The following DPEP2 variants were observed in gnomAD, a reference collection of about 807,000 sequenced individuals.
DPEP2 encodes the protein dipeptidase 2.
DPEP2 carries 45 observed loss-of-function variants against 51.8 expected under a neutral mutation model. The ratio of observed to expected loss-of-function variants is 0.87; its 90% CI spans 0.68 to 1.11. The LOEUF (loss-of-function observed/expected upper bound fraction) is 1.11, where lower values mean the gene tolerates loss of function less well. DPEP2 is among the 50% of genes most tolerant of loss of function. The probability of loss-of-function intolerance (pLI) is 0.00; values close to 1 mark genes in which losing one functional copy is unlikely to be tolerated. For missense variants in DPEP2, 604 were observed against 631.9 expected (o/e 0.96, Z 0.47); for synonymous variants, 255 against 262.7 (o/e 0.97, Z 0.28).
chr16:67,987,420 G>C lies in DPEP2; in HGVS notation c.*86C>G. The C allele has an allele frequency of 6.6e-7, 1 of 1,512,626 alleles. No homozygotes were observed. Among genetic ancestry groups the C allele is most frequent in the Non-Finnish European group, 8.9e-7 (1 of 1,119,480 alleles). The allele number at this position is 1,512,626 out of a possible 1,614,324, so 93.7% of individuals were successfully genotyped here. A position where few individuals can be genotyped will look rare whatever the true frequency, so the allele number is the denominator to read the frequency against. On this transcript the variant is annotated 3_prime_UTR_variant, in exon 11 of 11. Coordinates refer to ENST00000393847, the MANE Select transcript of DPEP2 (RefSeq NM_022355.4). ...TTCTATGTCCAAAACATTTATTTCA[G>C]GAAATATTTGTGCCTGCACAACAGG...
rs1438626580 is a variant in DPEP2 at position 67,989,348 on chromosome 16, C to A, written c.1045G>T (p.Gly349Cys). The A allele has an allele frequency of 6.2e-7, 1 of 1,614,072 alleles. No individual in the cohort carries two copies. The highest frequency in any genetic ancestry group is 8.5e-7 in the Non-Finnish European group (1 of 1,180,028). The change falls in exon 9 of 11, where the codon GGT (glycine) becomes TGT (cysteine). Residue 349 changes from glycine to cysteine, a missense_variant. Coordinates refer to ENST00000393847, the MANE Select transcript of DPEP2 (RefSeq NM_022355.4). ...AVIGSKFIGI[G>C]GDYDGAGKFP... is the part of the protein sequence containing the mutation. ...TTGCCGGCCCCATCATAATCTCCACCAATCCCGATGAACTTGGATCCAATG... is the reference window on the plus strand; with the variant it reads ...TTGCCGGCCCCATCATAATCTCCACAAATCCCGATGAACTTGGATCCAATG...
intron 1 of DPEP2, chr16:67,994,926 A>G: frequency 1.0e-6 from 1 of 980,910 alleles, no homozygotes; most frequent in Non-Finnish European, 1.2e-6. Context: ...TTTGAGACAG[A>G]GTCTCACTTT....
intron 1 of DPEP2, chr16:67,993,830 A>T: frequency 1.0e-6 from 1 of 985,556 alleles, no homozygotes; most frequent in East Asian, 1.1e-4. Context: ...GACTGGATTC[A>T]GGAAGGGGCC....
Position 67,989,326 on chromosome 16 carries a change from C to A in DPEP2, c.1067G>T (p.Gly356Val), listed in dbSNP as rs1260145863. The A allele has an allele frequency of 6.2e-7, 1 of 1,614,162 alleles. No homozygotes were observed. Among genetic ancestry groups the A allele is most frequent in the South Asian group, 1.1e-5 (1 of 91,070 alleles). Residue 356 changes from glycine (G) to valine (V), a missense_variant, in exon 9 of 11, where the codon GGC becomes GTC. By Grantham distance (109) the Gly-to-Val change is moderately radical. Coordinates refer to ENST00000393847, the MANE Select transcript of DPEP2 (RefSeq NM_022355.4). The stretch of plus-strand genomic sequence containing the variant: ...AAGCCACAGGGAAGGCACTCACTTG[C>A]CGGCCCCATCATAATCTCCACCAAT... ...IGIGGDYDGAGKFPQGLEDVS... is the reference protein window; with the variant it reads ...IGIGGDYDGAVKFPQGLEDVS...
intron 1 of DPEP2, chr16:67,993,809 T>A: frequency 1.0e-6 from 1 of 985,488 alleles, no homozygotes; most frequent in Non-Finnish European, 1.2e-6. Flanking sequence ...AAATGAGGGG[T>A]TAACCCTGTG....
intron 1 of DPEP2, among the ~76,000 whole-genome samples, chr16:67,996,692 A>ATT (rs896036368): frequency 6.7e-6 from 1 of 150,240 alleles, no homozygotes; most frequent in Admixed American, 6.7e-5. Context: ...AACTTTTTGC[A>ATT]TTTTTTTTTA....
At chr16:67,990,577 C>T (rs2032001895) in intron 7 of DPEP2, among the ~76,000 whole-genome samples, 1 of 152,176 alleles carries the variant, frequency 6.6e-6, no homozygotes, top group South Asian at 2.1e-4. Context: ...GATTCTCCTG[C>T]CTCAGCCTCC....
In DPEP2 at chr16:67,992,920, TCCCATCGCC is replaced by T. The variant is rs751029888; in HGVS notation, c.263+21_263+29del. ...TCCCTTGCCCAGGAGTGTGCTCAGC[TCCCATCGCC>T]CCCTTGCAGCAATTACGCACCCGTC... On this transcript the variant is annotated intron_variant, in intron 2 of 10. Transcript: ENST00000393847. The T allele has an allele frequency of 2.8e-5, 44 of 1,590,656 alleles. No individual in the cohort carries two copies. The African/African-American group carries it at 5.0e-4, about 18-fold the overall frequency.
At chr16:67,992,042 C>A (rs370005214) in intron 4 of DPEP2, 22 bp downstream of exon 4, 2 of 1,613,890 alleles carry the variant, frequency 1.2e-6, no homozygotes, top group African/African-American at 2.7e-5. Flanking sequence ...AAGTTCCTAA[C>A]GCTTCCCATC....
intron 9 of DPEP2, among the ~76,000 whole-genome samples, chr16:67,988,422 GGAAA>G (rs528175365): frequency 3.1e-3 from 455 of 146,284 alleles, no homozygotes; most frequent in Admixed American, 4.1e-3. Flanking sequence ...AGGAAAGAAA[GGAAA>G]GAAAGAAAGA....
Position 67,993,006 on chromosome 16 carries a change from G to C in DPEP2, c.207C>G (p.Thr69=), listed in dbSNP as rs763419430. ...CCCGTGCCTGCTCTTGCAGGCCCTG[G>C]GTGCTGGGACTACTGAGTGTGGTCG... is the stretch of plus-strand genomic sequence containing the variant. ...APSTTLSSPS[T]QGLQEQARAL... Residue 69 remains threonine (T), a synonymous_variant, in exon 2 of 11, where the codon ACC becomes ACG. Transcript: ENST00000393847. 1 of 1,607,764 alleles carries C rather than the reference G, an allele frequency of 6.2e-7. No homozygotes were observed. The highest frequency in any genetic ancestry group is 1.1e-5 in the South Asian group (1 of 89,914).
chr16:67,991,622 T>C lies in DPEP2; in HGVS notation c.662+216A>G. 1.5e-6 allele frequency: 1 copy of C among 652,764 alleles called. No individual in the cohort carries two copies. Among genetic ancestry groups the C allele is most frequent in the South Asian group, 2.2e-5 (1 of 44,642 alleles). The allele number at this position is 652,764 out of a possible 1,614,324, so 40.4% of individuals were successfully genotyped here. A position where few individuals can be genotyped will look rare whatever the true frequency, so the allele number is the denominator to read the frequency against. The stretch of plus-strand genomic sequence containing the variant: ...CGAACTCCTGGCCTTAAGTTATCTG[T>C]CCGCCTCAGCCTCCCAAAGTTTTGG... On this transcript the variant is annotated intron_variant, in intron 5 of 10. Coordinates refer to ENST00000393847, the MANE Select transcript of DPEP2 (RefSeq NM_022355.4). This position sits in a 1 kb window ranked among gnomAD's most constrained non-coding sequence, Gnocchi z 5.1.
At chr16:68,000,608 G>A (rs910523234), upstream of DPEP2, 1 of 549,024 alleles carries the variant, frequency 1.8e-6, no homozygotes, top group Middle Eastern at 9.0e-4. Context: ...AAGCAGCCTG[G>A]CCACTGTAGA....
In DPEP2 at chr16:67,991,334, G is replaced by A; in HGVS notation, c.663-150C>T. On this transcript the variant is annotated intron_variant, in intron 5 of 10. Coordinates refer to ENST00000393847, the MANE Select transcript of DPEP2 (RefSeq NM_022355.4). The surrounding 1 kb of genome is among the most constrained non-coding windows in gnomAD (Gnocchi z 5.1). ...GCAAATGGGCCATGCCTGGCAGCAG[G>A]AGGGCCCTGCTGGGTCCAGTCTTTT... 2.8e-6 allele frequency: 2 copies of A among 707,242 alleles called. No individual in the cohort carries two copies. Among genetic ancestry groups the A allele is most frequent in the Non-Finnish European group, 2.3e-6 (1 of 426,598 alleles). The allele number at this position is 707,242 out of a possible 1,614,324, so 43.8% of individuals were successfully genotyped here.
Position 67,992,121 on chromosome 16 carries a change from G to A in DPEP2, c.463C>T (p.Leu155Phe), listed in dbSNP as rs1160599537. Reference sequence around the variant, plus strand: ...TAGGAGGCACACATGCGGCGTATGAGGTCAATCTGCTCCAGGGTGAGGCGC... The same window carrying A: ...TAGGAGGCACACATGCGGCGTATGAAGTCAATCTGCTCCAGGGTGAGGCGC... ...ALRLTLEQID[L>F]IRRMCASYSE... The change falls in exon 4 of 11, where the codon CTC (leucine) becomes TTC (phenylalanine). Residue 155 changes from leucine to phenylalanine, a missense_variant. Physicochemically the swap from Leu to Phe is conservative, Grantham distance 22. Coordinates refer to ENST00000393847, the MANE Select transcript of DPEP2 (RefSeq NM_022355.4). 10 of 1,614,058 alleles carry A rather than the reference G, an allele frequency of 6.2e-6. No individual in the cohort carries two copies. Among genetic ancestry groups the A allele is most frequent in the African/African-American group, 1.3e-5 (1 of 74,916 alleles).
chr16:67,997,157 C>G (rs563376628), intron 1 of DPEP2, among the ~76,000 whole-genome samples: 2 of 151,004 alleles, frequency 1.3e-5, no homozygotes, highest in East Asian at 3.9e-4. Context: ...CTCAGCCTCC[C>G]GAGTAGCTGA....
chr16:67,987,684 G>A lies in DPEP2; in HGVS notation c.1283C>T (p.Ser428Phe), dbSNP rs2031564070. The A allele has an allele frequency of 1.2e-6, 2 of 1,614,218 alleles. No homozygotes were observed. Among genetic ancestry groups the A allele is most frequent in the Non-Finnish European group, 1.7e-6 (2 of 1,180,038 alleles). ...TCTCTGACGCAGACGTGAGAGGTCG[G>A]AGTGGCAGGAACTGCTCAGCTGCTC... Reference protein sequence around the residue: ...PDEQLSSSCHSDLSRLRQRQS... With the variant: ...PDEQLSSSCHFDLSRLRQRQS... The change falls in exon 11 of 11, where the codon TCC (serine) becomes TTC (phenylalanine). Residue 428 changes from serine to phenylalanine, a missense_variant. Coordinates refer to ENST00000393847, the MANE Select transcript of DPEP2 (RefSeq NM_022355.4).
intron 1 of DPEP2, chr16:67,993,465 C>A: frequency 8.0e-7 from 1 of 1,242,510 alleles, no homozygotes; most frequent in Non-Finnish European, 1.0e-6. Flanking sequence ...GCCGGCTGGG[C>A]GGATCCCTGT....
upstream of DPEP2, among the ~76,000 whole-genome samples, chr16:68,000,262 A>G (rs1318678931): frequency 6.6e-6 from 1 of 152,226 alleles, no homozygotes; most frequent in Non-Finnish European, 1.5e-5. Context: ...AGACCTGCAG[A>G]GGAGGCAGCA....
Sources: gnomAD v4.1 joint callset for allele counts (sites outside exome capture counted in the v4.1 genomes callset) on GRCh38, gnomAD v4.1.1 for gene constraint, Gnocchi (gnomAD v3.1) non-coding constraint, MANE v1.5 for transcripts, NCBI Gene and HGNC (gene_info 2026-07-23, HGNC 2026-07-21) for gene names.